Variants in PALD1 observed in about 807,000 individuals in gnomAD.
The protein encoded by PALD1 is phosphatase domain containing paladin 1.
Under a neutral mutation model 96.0 loss-of-function variants are expected in PALD1, and 57 were observed. The ratio of observed to expected loss-of-function variants is 0.59; its 90% CI spans 0.48 to 0.74. PALD1 has a LOEUF of 0.74. Among genes scored for constraint, PALD1 ranks in the 30% least tolerant of loss-of-function variants. PALD1 has a pLI of 0.00. For missense variants in PALD1, 1,063 were observed against 1,143.7 expected, an observed-to-expected ratio of 0.93 and a Z score of 1.02; for synonymous variants, 464 against 473.6, an observed-to-expected ratio of 0.98 and a Z score of 0.26.
intron 1 of PALD1, among the ~76,000 whole-genome samples, chr10:70,504,333 C>T (rs1345463306): frequency 6.6e-6 from 1 of 152,188 alleles, no homozygotes; most frequent in Non-Finnish European, 1.5e-5. Flanking sequence ...TCGAGATCAG[C>T]CTGGCCAACA....
chr10:70,467,454 T>G, the PALD1 span, among the ~76,000 whole-genome samples: 3 of 149,310 alleles, frequency 2.0e-5, no homozygotes, highest in Admixed American at 6.7e-5. Flanking sequence ...AGCTGGAGAG[T>G]GAGGGGAGCC....
chr10:70,550,284 A>AC (rs1847455485), intron 18 of PALD1, among the ~76,000 whole-genome samples: 1 of 152,174 alleles, frequency 6.6e-6, no homozygotes, highest in Non-Finnish European at 1.5e-5. Flanking sequence ...ACACACAGCC[A>AC]AGGCTGAGAG....
chr10:70,566,032 G>C (rs938578218), intron 19 of PALD1, among the ~76,000 whole-genome samples: 1 of 152,184 alleles, frequency 6.6e-6, no homozygotes, highest in Non-Finnish European at 1.5e-5. Flanking sequence ...AGAGCGGGAC[G>C]GACCCATTCC....
chr10:70,540,485 G>A lies in PALD1; in HGVS notation c.1909-617G>A, dbSNP rs1412207476. 6.6e-6 allele frequency among the ~76,000 whole-genome samples: 1 copy of A among 151,912 alleles called. No individual in the cohort carries two copies. The highest frequency in any genetic ancestry group is 1.9e-4 in the East Asian group (1 of 5,194). ...TGTATAGTGTGTGTGTTTACCGGAC[G>A]TGGATCCCTGTGTGGTGCGTGTGTC... On this transcript the variant is annotated intron_variant, in intron 15 of 19. Coordinates refer to ENST00000263563, the MANE Select transcript of PALD1 (RefSeq NM_014431.3). The surrounding 1 kb of genome is among the most constrained non-coding windows in gnomAD (Gnocchi z 4.2).
At chr10:70,491,912 A>G (rs1266543359) in intron 1 of PALD1, among the ~76,000 whole-genome samples, 5 of 152,218 alleles carry the variant, frequency 3.3e-5, no homozygotes, top group Non-Finnish European at 7.3e-5. Flanking sequence ...GTTGTAGCAA[A>G]TATCAGTACT....
intron 18 of PALD1, among the ~76,000 whole-genome samples, chr10:70,555,615 C>T (rs1229056674): frequency 1.3e-5 from 2 of 152,188 alleles, no homozygotes; most frequent in Non-Finnish European, 2.9e-5. Flanking sequence ...GAGACCAGCT[C>T]CGTGCCCCAA....
At position 70,566,811 on chromosome 10, in the gene PALD1, G is replaced by A. The variant is rs142349683; in HGVS notation, c.*78G>A. The A allele has an allele frequency of 3.7e-3, 3,374 of 913,122 alleles. 16 individuals are homozygous for A. The highest frequency in any genetic ancestry group is 4.7e-3 in the Non-Finnish European group (2,900 of 613,428). 56.6% of individuals were successfully genotyped at this position (913,122 alleles called of 1,614,324 possible). ...GTCTGAGGTGCTCTTGGCTGGGAGC[G>A]GCCCTGAGGGGTGCTGGCCTTGAAA... On this transcript the variant is annotated 3_prime_UTR_variant, in exon 20 of 20. Transcript: ENST00000263563.
chr10:70,542,991 T>C (rs1379177793), intron 17 of PALD1, among the ~76,000 whole-genome samples: 1 of 151,826 alleles, frequency 6.6e-6, no homozygotes, highest in African/African-American at 2.4e-5. Context: ...CAGGCTGGTC[T>C]CGAACTCCTG....
Position 70,534,816 on chromosome 10 carries a change from A to C in PALD1, c.1200A>C (p.Glu400Asp). The C allele has an allele frequency of 6.2e-7, 1 of 1,612,176 alleles. No individual in the cohort carries two copies. Among genetic ancestry groups the C allele is most frequent in the Non-Finnish European group, 8.5e-7 (1 of 1,179,028 alleles). ...EVVLENQKKL[E>D]GIRPESPAQG... ...TCTTGGAAAACCAGAAGAAGTTAGA[A>C]GGTATCCGACCGGAGAGCCCAGCCC... Residue 400 changes from glutamate to aspartate, a missense_variant, in exon 10 of 20, where the codon GAA (glutamate) becomes GAC (aspartate). Coordinates refer to ENST00000263563, the MANE Select transcript of PALD1 (RefSeq NM_014431.3).
intron 18 of PALD1, among the ~76,000 whole-genome samples, chr10:70,551,304 A>G (rs1199924684): frequency 7.6e-6 from 1 of 131,046 alleles, no homozygotes; most frequent in Admixed American, 8.2e-5. Context: ...GTTTCAAACC[A>G]GAAGTCCCAG....
chr10:70,473,164 C>G, the PALD1 span, among the ~76,000 whole-genome samples: 355 of 152,308 alleles, frequency 2.3e-3, no homozygotes, highest in Non-Finnish European at 3.8e-3. Flanking sequence ...CCTAGCTGAC[C>G]TGGAAGGTCC....
intron 1 of PALD1, among the ~76,000 whole-genome samples, chr10:70,519,675 A>G (rs1846691276): frequency 6.7e-6 from 1 of 149,184 alleles, no homozygotes; most frequent in Non-Finnish European, 1.5e-5. Flanking sequence ...CCCAGATTCG[A>G]GTGATTCTCC....
At position 70,532,712 on chromosome 10, in the gene PALD1, A is replaced by G. The variant is rs2132373072; in HGVS notation, c.725A>G (p.His242Arg). 1 of 1,614,206 alleles carries G rather than the reference A, an allele frequency of 6.2e-7. No individual in the cohort carries two copies. The highest frequency in any genetic ancestry group is 8.5e-7 in the Non-Finnish European group (1 of 1,180,028). The change falls in exon 6 of 20, where the codon CAT (histidine) becomes CGT (arginine). Residue 242 changes from histidine to arginine, a missense_variant. By Grantham distance (29) the His-to-Arg change is conservative (BLOSUM62 0). Coordinates refer to ENST00000263563, the MANE Select transcript of PALD1 (RefSeq NM_014431.3). ...GGGGAGCCCCATGCTGTGGCCATCC[A>G]TGGTGAGGACGACTTGCATGTGACG... Reference protein sequence around the residue: ...LWGEPHAVAIHGEDDLHVTEE... With the variant: ...LWGEPHAVAIRGEDDLHVTEE...
At chr10:70,547,768 G>A (rs1342976090) in intron 18 of PALD1, among the ~76,000 whole-genome samples, 1 of 152,168 alleles carries the variant, frequency 6.6e-6, no homozygotes, top group Non-Finnish European at 1.5e-5. Flanking sequence ...CAGGAGCCCT[G>A]TGGTGCCAGG....
At chr10:70,467,747 T>C in the PALD1 span, among the ~76,000 whole-genome samples, 2 of 151,882 alleles carry the variant, frequency 1.3e-5, no homozygotes, top group Non-Finnish European at 2.9e-5. Flanking sequence ...AGGAGTGAGA[T>C]CATGATTCTG....
chr10:70,534,430 C>G lies in PALD1; in HGVS notation c.1028C>G (p.Ala343Gly), dbSNP rs1847065129. Residue 343 changes from alanine to glycine, a missense_variant, in exon 9 of 20, where the codon GCC (alanine) becomes GGC (glycine). Physicochemically the swap from Ala to Gly is moderately conservative, Grantham distance 60 (BLOSUM62 0). Coordinates refer to ENST00000263563, the MANE Select transcript of PALD1 (RefSeq NM_014431.3). Reference sequence around the variant, plus strand: ...TACTGACCCTGCCTCGACAGGGCTGCCCCCACGCAGGCCAAGCCCCTGCCT... The same window carrying G: ...TACTGACCCTGCCTCGACAGGGCTGGCCCCACGCAGGCCAAGCCCCTGCCT... The part of the protein sequence containing the change: ...RSGTTSQPEA[A>G]PTQAKPLPME... 6.2e-7 allele frequency: 1 copy of G among 1,606,810 alleles called. No homozygotes were observed. Among genetic ancestry groups the G allele is most frequent in the South Asian group, 1.1e-5 (1 of 89,746 alleles).
chr10:70,517,656 G>C (rs1040976754), intron 1 of PALD1, among the ~76,000 whole-genome samples: 1 of 151,904 alleles, frequency 6.6e-6, no homozygotes, highest in Non-Finnish European at 1.5e-5. Context: ...TGTTCAGTTT[G>C]ATCAGCATTG....
chr10:70,498,997 G>T (rs554461858), intron 1 of PALD1, among the ~76,000 whole-genome samples: 75 of 152,024 alleles, frequency 4.9e-4, no homozygotes, highest in Non-Finnish European at 9.1e-4. Flanking sequence ...GGTGAGAGTG[G>T]CAATAAATAG....
chr10:70,472,015 C>A, the PALD1 span, among the ~76,000 whole-genome samples: 1 of 152,144 alleles, frequency 6.6e-6, no homozygotes, highest in Non-Finnish European at 1.5e-5. Context: ...GGGGCCTCGG[C>A]CTTTGGAATG....
Sources: allele counts gnomAD v4.1 joint callset (sites outside exome capture counted in the v4.1 genomes callset), GRCh38; gene constraint gnomAD v4.1.1; non-coding constraint Gnocchi (gnomAD v3.1); transcripts MANE v1.5; gene names NCBI Gene and HGNC (gene_info 2026-07-23, HGNC 2026-07-21).